ROBO1: variants seen among roughly 807,000 people sequenced by gnomAD.
ROBO1 encodes roundabout guidance receptor 1, also known as roundabout homolog 1.
A neutral mutation model predicts 195.9 loss-of-function variants in ROBO1; 149 were observed. The observed-to-expected ratio is 0.76, with a 90% confidence interval of 0.67 to 0.87. The LOEUF is 0.87. ROBO1 is among the 40% of genes least tolerant of loss of function. The probability of loss-of-function intolerance (pLI) is 0.00; values close to 1 mark genes in which losing one functional copy is unlikely to be tolerated. For missense variants in ROBO1, 1,933 were observed against 2,068.3 expected, an observed-to-expected ratio of 0.93 and a Z score of 1.27; for synonymous variants, 816 against 733.2, an observed-to-expected ratio of 1.11 and a Z score of -1.82.
intron 2 of ROBO1, among the ~76,000 whole-genome samples, chr3:79,183,572 C>A (rs2081384213): frequency 6.6e-6 from 1 of 152,218 alleles, no homozygotes; most frequent in South Asian, 2.1e-4. Flanking sequence ...AAGAAACATT[C>A]TCCAGGTTTG....
At chr3:78,609,969 AACAG>A (rs1291137141) in intron 28 of ROBO1, among the ~76,000 whole-genome samples, 5 of 152,282 alleles carry the variant, frequency 3.3e-5, no homozygotes, top group South Asian at 4.1e-4. Flanking sequence ...TAGTTTTGAA[AACAG>A]ACAGTCTGAG....
At chr3:79,767,503 A>G (rs1705061679) in intron 1 of ROBO1, among the ~76,000 whole-genome samples, 1 of 152,204 alleles carries the variant, frequency 6.6e-6, no homozygotes, top group South Asian at 2.1e-4. Flanking sequence ...AGAAACAAAC[A>G]TCGCATCCCT....
chr3:79,671,899 T>C lies in ROBO1; in HGVS notation c.-50-81938A>G, dbSNP rs1946643226. Among the ~76,000 whole-genome samples the C allele has an allele frequency of 2.0e-5, 3 of 151,938 alleles. No individual in the cohort carries two copies. The South Asian group carries it at 6.2e-4, about 31-fold the overall frequency. ...TCACCCAAATGTTTCATTAGCTTACTAATGTAATATTAATGAGGAAAATAA... is the reference window on the plus strand; with the variant it reads ...TCACCCAAATGTTTCATTAGCTTACCAATGTAATATTAATGAGGAAAATAA... On this transcript the variant is annotated intron_variant, in intron 1 of 30. Transcript: ENST00000464233.
intron 2 of ROBO1, among the ~76,000 whole-genome samples, chr3:79,473,711 G>A (rs1938403676): frequency 6.6e-6 from 1 of 152,030 alleles, no homozygotes; most frequent in African/African-American, 2.4e-5. Flanking sequence ...AGAATACTGA[G>A]ACAATAATTT....
At chr3:79,153,085 T>G (rs1254345366) in intron 2 of ROBO1, among the ~76,000 whole-genome samples, 2 of 151,740 alleles carry the variant, frequency 1.3e-5, no homozygotes, top group African/African-American at 2.4e-5. Flanking sequence ...TTGCCTGTTG[T>G]GTGGAGGACG....
chr3:78,623,169 A>T (rs1316970198), intron 26 of ROBO1, among the ~76,000 whole-genome samples: 1 of 152,206 alleles, frequency 6.6e-6, no homozygotes, highest in Non-Finnish European at 1.5e-5. Flanking sequence ...GGAGGAGACA[A>T]ATAATTAAAT....
chr3:78,826,410 C>T (rs2031607136), intron 4 of ROBO1, among the ~76,000 whole-genome samples: 2 of 152,106 alleles, frequency 1.3e-5, no homozygotes, highest in South Asian at 4.1e-4. Flanking sequence ...TGATTTGGGA[C>T]TAAAATTAAT....
intron 1 of ROBO1, among the ~76,000 whole-genome samples, chr3:79,618,337 T>G (rs1195992921): frequency 1.3e-5 from 2 of 152,194 alleles, no homozygotes; most frequent in Admixed American, 6.5e-5. Context: ...CACATCTGCA[T>G]GTACACATCC....
intron 1 of ROBO1, among the ~76,000 whole-genome samples, chr3:79,677,485 G>A (rs1326607908): frequency 6.6e-6 from 1 of 152,018 alleles, no homozygotes; most frequent in Non-Finnish European, 1.5e-5. Flanking sequence ...GCAAACTCCT[G>A]TTTTTAAGCC....
intron 2 of ROBO1, among the ~76,000 whole-genome samples, chr3:79,474,826 A>G (rs1938465477): frequency 6.6e-6 from 1 of 152,108 alleles, no homozygotes; most frequent in South Asian, 2.1e-4. Context: ...TTTATTTGAC[A>G]ACAAAGTGCA....
intron 3 of ROBO1, among the ~76,000 whole-genome samples, chr3:78,961,063 G>A (rs1424518045): frequency 2.5e-4 from 38 of 151,930 alleles, no homozygotes; most frequent in Non-Finnish European, 2.9e-5. Context: ...GAACCATAAT[G>A]TACAAAATAC....
chr3:79,579,942 T>C (rs1232572659), intron 2 of ROBO1, among the ~76,000 whole-genome samples: 3 of 152,068 alleles, frequency 2.0e-5, no homozygotes, highest in Non-Finnish European at 2.9e-5. Context: ...ATTGTATTAG[T>C]GATGCTATGC....
chr3:79,481,225 T>C (rs1938837029), intron 2 of ROBO1, among the ~76,000 whole-genome samples: 1 of 152,148 alleles, frequency 6.6e-6, no homozygotes, highest in African/African-American at 2.4e-5. Flanking sequence ...AATTTATATT[T>C]AAAGTGAACT....
At chr3:79,642,786 A>G (rs1030571509) in intron 1 of ROBO1, among the ~76,000 whole-genome samples, 1 of 152,216 alleles carries the variant, frequency 6.6e-6, no homozygotes, top group African/African-American at 2.4e-5. Context: ...TCTGAACGAA[A>G]AAAACACTAA....
chr3:79,602,718 GAA>G (rs951706066), intron 1 of ROBO1, among the ~76,000 whole-genome samples: 35 of 151,902 alleles, frequency 2.3e-4, no homozygotes, highest in African/African-American at 8.5e-4. Flanking sequence ...TTATTTTAAT[GAA>G]AGAGTATAAA....
chr3:79,298,296 C>G (rs952285949), intron 2 of ROBO1, among the ~76,000 whole-genome samples: 3 of 152,028 alleles, frequency 2.0e-5, no homozygotes, highest in African/African-American at 7.2e-5. Flanking sequence ...AGGTACGTTT[C>G]TCTCCTCCTC....
Position 79,589,972 on chromosome 3 carries a change from T to A in ROBO1, c.-50-11A>T, listed in dbSNP as rs1943948088. ...CAGACAATGTGTTATCTGGGGAGAT[T>A]AAAAAAATATTATTTTGTAATGGTT... On this transcript the variant is annotated splice_polypyrimidine_tract_variant and intron_variant, in intron 1 of 30. Coordinates refer to ENST00000464233, the MANE Select transcript of ROBO1 (RefSeq NM_002941.4). 1 of 1,150,526 alleles carries A rather than the reference T, an allele frequency of 8.7e-7. No individual in the cohort carries two copies. Among genetic ancestry groups the A allele is most frequent in the Non-Finnish European group, 1.3e-6 (1 of 772,922 alleles). The allele number at this position is 1,150,526 out of a possible 1,614,324, so 71.3% of individuals were successfully genotyped here. A position where few individuals can be genotyped will look rare whatever the true frequency, so the allele number is the denominator to read the frequency against.
At chr3:79,740,604 A>G (rs566646911) in intron 1 of ROBO1, among the ~76,000 whole-genome samples, 4 of 152,284 alleles carry the variant, frequency 2.6e-5, no homozygotes, top group African/African-American at 7.2e-5. Context: ...GAAGCCACTT[A>G]TAAGACCATC....
At chr3:79,194,418 A>G (rs1049466571) in intron 2 of ROBO1, among the ~76,000 whole-genome samples, 4 of 151,632 alleles carry the variant, frequency 2.6e-5, no homozygotes, top group African/African-American at 9.7e-5. Context: ...ACAATAGCAT[A>G]GGTTCAAATT....
Sources: allele counts gnomAD v4.1 joint callset (sites outside exome capture counted in the v4.1 genomes callset), GRCh38; gene constraint gnomAD v4.1.1; transcripts MANE v1.5; gene names NCBI Gene and HGNC (gene_info 2026-07-23, HGNC 2026-07-21).